TG: variants seen among roughly 807,000 people sequenced by gnomAD.
TG encodes thyroid hormones.
A neutral mutation model predicts 324.7 loss-of-function variants in TG; 270 were observed. The observed-to-expected ratio is 0.83, with a 90% CI of 0.75 to 0.92. The LOEUF (loss-of-function observed/expected upper bound fraction) is 0.92, where lower values mean the gene tolerates loss of function less well. Among genes scored for constraint, TG ranks in the 40% least tolerant of loss-of-function variants. TG has a pLI of 0.00. For missense variants in TG, 3,591 were observed against 3,456.4 expected (o/e 1.04, Z -0.98); for synonymous variants, 1,401 against 1,327.0 (o/e 1.06, Z -1.21).
Position 132,961,006 on chromosome 8 carries a change from A to T in TG, c.5402-2A>T, listed in dbSNP as rs1229773159. 6.2e-7 allele frequency: 1 copy of T among 1,614,016 alleles called. No individual in the cohort carries two copies. The highest frequency in any genetic ancestry group is 8.5e-7 in the Non-Finnish European group (1 of 1,179,900). ...CATAAAAATAAACATCTTCCTTTGC[A>T]GGTCTGACACCCTTAGAAGGAACTC... On this transcript the variant is annotated splice_acceptor_variant, in intron 27 of 47. Transcript: ENST00000220616. LOFTEE classifies it high-confidence loss of function.
intron 33 of TG, 138 bp from the exon 34 acceptor site, chr8:132,972,460 G>A: frequency 1.0e-6 from 1 of 1,000,142 alleles, no homozygotes; most frequent in Non-Finnish European, 1.5e-6. Context: ...CAGTGGCTGA[G>A]ATAGTATCTG....
intron 22 of TG, 100 bp from the exon 23 acceptor site, chr8:132,928,976 C>A: frequency 1.1e-6 from 1 of 940,220 alleles, no homozygotes; most frequent in Non-Finnish European, 1.7e-6. Flanking sequence ...CCAAGAGCTA[C>A]GAATGGGTAT....
At chr8:132,898,087 AAG>A in intron 12 of TG, 80 bp from the exon 13 acceptor site, 1 of 1,359,354 alleles carries the variant, frequency 7.4e-7, no homozygotes, top group East Asian at 2.5e-5. Context: ...GCTATGAGTG[AAG>A]AAGGAAAGTT....
At chr8:133,060,036 C>T in intron 41 of TG, 1 of 1,488,530 alleles carries the variant, frequency 6.7e-7, no homozygotes. Context: ...CCACCACCGC[C>T]CAGTCTTTAC....
intron 16 of TG, 124 bp from the exon 17 acceptor site, chr8:132,906,564 G>A (rs1279866768): frequency 1.4e-5 from 16 of 1,107,540 alleles, no homozygotes; most frequent in Non-Finnish European, 2.0e-5. Flanking sequence ...GAGCTTGACA[G>A]GTCCAGGGAA....
Position 132,997,258 on chromosome 8 carries a change from T to C in TG, c.6262+13846T>C, listed in dbSNP as rs1444127103. Among the ~76,000 whole-genome samples, 7 of 152,046 alleles carry C rather than the reference T, an allele frequency of 4.6e-5. No individual in the cohort carries two copies. In the East Asian group the frequency reaches 1.2e-3, roughly 25 times the overall value. Reference sequence around the variant, plus strand: ...ATAAAGAATGTAAGAGGGGAACCAGTGGAAGAATGTGGTTGTGGGTGGAAG... The same window carrying C: ...ATAAAGAATGTAAGAGGGGAACCAGCGGAAGAATGTGGTTGTGGGTGGAAG... On this transcript the variant is annotated intron_variant, in intron 35 of 47. Transcript: ENST00000220616.
intron 43 of TG, among the ~76,000 whole-genome samples, chr8:133,110,473 A>C (rs1163147752): frequency 2.0e-5 from 3 of 152,210 alleles, no homozygotes; most frequent in Non-Finnish European, 4.4e-5. Flanking sequence ...TTAGCATAGA[A>C]ATAAAAGCAA....
intron 43 of TG, among the ~76,000 whole-genome samples, chr8:133,105,538 A>G (rs946945560): frequency 6.6e-6 from 1 of 152,188 alleles, no homozygotes; most frequent in Admixed American, 6.5e-5. Context: ...GGTGAGGAAG[A>G]ACACATATGG....
At chr8:133,032,373 C>T (rs780582482) in intron 41 of TG, among the ~76,000 whole-genome samples, 2 of 152,156 alleles carry the variant, frequency 1.3e-5, no homozygotes, top group Non-Finnish European at 2.9e-5. Context: ...GAGATTTCTC[C>T]AGGGCCCTTT....
rs150040577 is a variant in TG, at chr8:133,004,976, G to A, written c.6263-6925G>A. Among the ~76,000 whole-genome samples the A allele has an allele frequency of 1.8e-3, 281 of 152,328 alleles. 2 individuals carry two copies. The highest frequency in any genetic ancestry group is 2.7e-3 in the South Asian group (13 of 4,820). On this transcript the variant is annotated intron_variant, in intron 35 of 47. Transcript: ENST00000220616. ...CTGAGCATGTAGACTCCACTGGGAGGAGGCGATAAGGATGATAGGATTTCT... is the reference window on the plus strand; with the variant it reads ...CTGAGCATGTAGACTCCACTGGGAGAAGGCGATAAGGATGATAGGATTTCT...
chr8:133,000,770 C>A lies in TG; in HGVS notation c.6263-11131C>A, dbSNP rs149564197. On this transcript the variant is annotated intron_variant, in intron 35 of 47. Transcript: ENST00000220616. The stretch of plus-strand genomic sequence containing the variant: ...GAGCATTTTATGCTAGAGAGCAGCA[C>A]TGGGGCAGAGCAGGCCCTCTGTAAA... Among the ~76,000 whole-genome samples the A allele has an allele frequency of 6.9e-4, 105 of 152,326 alleles. No individual in the cohort carries two copies. The East Asian group carries it at 0.019, about 27-fold the overall frequency.
At chr8:132,993,178 AT>A (rs1387263052) in intron 35 of TG, among the ~76,000 whole-genome samples, 3 of 152,250 alleles carry the variant, frequency 2.0e-5, no homozygotes, top group African/African-American at 7.2e-5. Flanking sequence ...TAAATAATAG[AT>A]ATAAGTCTCC....
At chr8:132,876,888 C>T (rs1384353020) in intron 5 of TG, among the ~76,000 whole-genome samples, 1 of 152,238 alleles carries the variant, frequency 6.6e-6, no homozygotes, top group African/African-American at 2.4e-5. Flanking sequence ...AATGACTAAA[C>T]ACACTCAAAC....
chr8:132,912,829 G>A (rs1461561243), intron 19 of TG, among the ~76,000 whole-genome samples: 1 of 152,192 alleles, frequency 6.6e-6, no homozygotes, highest in Admixed American at 6.5e-5. Flanking sequence ...AGGAAATCTG[G>A]GTTGGAGTCC....
chr8:132,899,989 T>G (rs1817682252), intron 14 of TG, among the ~76,000 whole-genome samples: 1 of 152,182 alleles, frequency 6.6e-6, no homozygotes, highest in Admixed American at 6.5e-5. Flanking sequence ...TGAGAGATCT[T>G]CAGTTTCACC....
Position 132,887,684 on chromosome 8 carries a change from T to G in TG, c.2176+136T>G, listed in dbSNP as rs576956554. 94 of 1,214,888 alleles carry G rather than the reference T, an allele frequency of 7.7e-5. No individual in the cohort carries two copies. The Middle Eastern group carries it at 1.0e-3, about 13-fold the overall frequency. The allele number at this position is 1,214,888 out of a possible 1,614,324, so 75.3% of individuals were successfully genotyped here. A position where few individuals can be genotyped will look rare whatever the true frequency, so the allele number is the denominator to read the frequency against. ...TAAGGACAAAATTGACTGCTTATATTAAAAATTATCCAGGAATGCCTAGAT... is the reference window on the plus strand; with the variant it reads ...TAAGGACAAAATTGACTGCTTATATGAAAAATTATCCAGGAATGCCTAGAT... On this transcript the variant is annotated intron_variant, in intron 9 of 47. Transcript: ENST00000220616.
intron 27 of TG, among the ~76,000 whole-genome samples, chr8:132,959,338 T>C (rs974026261): frequency 1.3e-5 from 2 of 152,180 alleles, no homozygotes; most frequent in African/African-American, 4.8e-5. Context: ...TGAAAGACCA[T>C]GTATGTAATG....
intron 10 of TG, among the ~76,000 whole-genome samples, chr8:132,892,774 T>C (rs1816414558): frequency 6.6e-6 from 1 of 151,454 alleles, no homozygotes; most frequent in Admixed American, 6.6e-5. Flanking sequence ...GGTATGTGCA[T>C]AGGTGTGTGT....
Position 133,030,007 on chromosome 8 carries a change from G to A in TG, c.7223G>A (p.Arg2408Gln), listed in dbSNP as rs747673148. Residue 2408 changes from arginine to glutamine, a missense_variant, in exon 41 of 48, where the codon CGG becomes CAG. Transcript: ENST00000220616. ...AGGGCCACCAACTCCCAACTTTTCC[G>A]GAGAGCTGTGCTGATGGTAAGTGGT... Reference protein sequence around the residue: ...TARATNSQLFRRAVLMGGSAL... With the variant: ...TARATNSQLFQRAVLMGGSAL... 8.1e-6 allele frequency: 13 copies of A among 1,614,100 alleles called. No homozygotes were observed. Among genetic ancestry groups the A allele is most frequent in the Admixed American group, 3.3e-5 (2 of 60,012 alleles).
Sources: allele counts gnomAD v4.1 joint callset (sites outside exome capture counted in the v4.1 genomes callset), GRCh38; gene constraint gnomAD v4.1.1; transcripts MANE v1.5; gene names NCBI Gene and HGNC (gene_info 2026-07-23, HGNC 2026-07-21).